SUCLG2: variants seen among roughly 807,000 people sequenced by gnomAD.
The protein encoded by SUCLG2 is succinate--CoA ligase [GDP-forming] subunit beta, mitochondrial.
A neutral mutation model predicts 47.9 loss-of-function variants in SUCLG2; 42 were observed. That is an observed-to-expected ratio of 0.88 (90% CI 0.69 to 1.14). The LOEUF (loss-of-function observed/expected upper bound fraction) is 1.14, where lower values mean the gene tolerates loss of function less well. SUCLG2 is among the 50% of genes most tolerant of loss of function. SUCLG2 has a pLI of 0.00. For missense variants in SUCLG2, 571 were observed against 525.9 expected, an observed-to-expected ratio of 1.09 and a Z score of -0.84; for synonymous variants, 195 against 197.3, an observed-to-expected ratio of 0.99 and a Z score of 0.10.
At chr3:67,391,394 T>C (rs1270019830) in intron 10 of SUCLG2, among the ~76,000 whole-genome samples, 1 of 152,138 alleles carries the variant, frequency 6.6e-6, no homozygotes, top group Admixed American at 6.5e-5. Flanking sequence ...TGCACTCCTA[T>C]TCGCTACATG....
chr3:67,542,630 T>A (rs554435325), intron 2 of SUCLG2, among the ~76,000 whole-genome samples: 3 of 152,248 alleles, frequency 2.0e-5, no homozygotes, highest in African/African-American at 7.2e-5. Context: ...GGAGGAATAT[T>A]TACCAAGCAA....
chr3:67,436,625 A>T (rs1210395022), intron 9 of SUCLG2, among the ~76,000 whole-genome samples: 1 of 152,148 alleles, frequency 6.6e-6, no homozygotes, highest in African/African-American at 2.4e-5. Flanking sequence ...TTGTCACTAT[A>T]TCATCATCAA....
At chr3:67,502,862 A>T (rs1210320341) in intron 7 of SUCLG2, among the ~76,000 whole-genome samples, 1 of 152,220 alleles carries the variant, frequency 6.6e-6, no homozygotes, top group African/African-American at 2.4e-5. Flanking sequence ...CATTTTAGGC[A>T]TCATAAATAG....
chr3:67,521,279 C>G (rs891974820), intron 4 of SUCLG2, among the ~76,000 whole-genome samples: 5 of 152,144 alleles, frequency 3.3e-5, no homozygotes, highest in African/African-American at 1.2e-4. Context: ...AGGGCAGATA[C>G]GAGCCTACCA....
At chr3:67,553,640 T>A (rs1014346352) in intron 2 of SUCLG2, among the ~76,000 whole-genome samples, 1 of 152,160 alleles carries the variant, frequency 6.6e-6, no homozygotes, top group Non-Finnish European at 1.5e-5. Flanking sequence ...AGTACTTCAA[T>A]TTCTGACCTG....
intron 2 of SUCLG2, among the ~76,000 whole-genome samples, chr3:67,543,443 G>C (rs930470608): frequency 2.6e-5 from 4 of 152,152 alleles, no homozygotes; most frequent in African/African-American, 9.7e-5. Flanking sequence ...GAGACAGGTG[G>C]GTTGCTTGAG....
intron 2 of SUCLG2, among the ~76,000 whole-genome samples, chr3:67,596,064 T>C (rs866502154): frequency 6.6e-6 from 1 of 152,372 alleles, no homozygotes; most frequent in Non-Finnish European, 1.5e-5. Flanking sequence ...ACAGGCTTGG[T>C]TGATGAACAT....
intron 9 of SUCLG2, among the ~76,000 whole-genome samples, chr3:67,463,301 CTTA>C (rs1704384527): frequency 6.6e-6 from 1 of 152,172 alleles, no homozygotes; most frequent in African/African-American, 2.4e-5. Context: ...ATGTTAATTC[CTTA>C]TTATTACCAT....
intron 4 of SUCLG2, among the ~76,000 whole-genome samples, chr3:67,521,653 A>G (rs1238828897): frequency 6.6e-6 from 1 of 151,188 alleles, no homozygotes. Flanking sequence ...CTGAGGCTGT[A>G]GTGCAGTGGC....
chr3:67,474,313 C>T (rs1022774661), intron 9 of SUCLG2, among the ~76,000 whole-genome samples: 1 of 152,002 alleles, frequency 6.6e-6, no homozygotes, highest in Admixed American at 6.6e-5. Context: ...CTAACATTTT[C>T]TAGAGCTTAA....
chr3:67,432,580 A>G (rs7616959), intron 9 of SUCLG2, among the ~76,000 whole-genome samples: 1 of 152,070 alleles, frequency 6.6e-6, no homozygotes, highest in Non-Finnish European at 1.5e-5. Flanking sequence ...TACACCTGGT[A>G]AAATCCTGCC....
intron 2 of SUCLG2, among the ~76,000 whole-genome samples, chr3:67,556,973 G>T (rs956847404): frequency 1.3e-5 from 2 of 152,210 alleles, no homozygotes; most frequent in Admixed American, 1.3e-4. Context: ...GTAGAAAACA[G>T]AAATGAGAGC....
chr3:67,563,333 C>T (rs1314185329), intron 2 of SUCLG2, among the ~76,000 whole-genome samples: 3 of 152,078 alleles, frequency 2.0e-5, no homozygotes, highest in Non-Finnish European at 4.4e-5. Flanking sequence ...GAACAAGGCC[C>T]GTCATGTGTA....
intron 9 of SUCLG2, among the ~76,000 whole-genome samples, chr3:67,405,053 T>C (rs1409071440): frequency 6.6e-6 from 1 of 151,878 alleles, no homozygotes; most frequent in Non-Finnish European, 1.5e-5. Flanking sequence ...CAAGTGCTTT[T>C]GGGAACAGAG....
rs1390903283 is a variant in SUCLG2, at chr3:67,484,635, GCAAA to G, written c.1062+11159_1062+11162del. On this transcript the variant is annotated intron_variant, in intron 9 of 10. Transcript: ENST00000307227. ...AAGAAATGTGGGGATGGGGAAGGGGGCAAACAAACTATAATATTTCTGAGCAATT... is the reference window on the plus strand; with the variant it reads ...AAGAAATGTGGGGATGGGGAAGGGGGCAAACTATAATATTTCTGAGCAATT... Among the ~76,000 whole-genome samples the G allele has an allele frequency of 2.0e-5, 3 of 152,122 alleles. No homozygotes were observed. The East Asian group carries it at 5.8e-4, about 29-fold the overall frequency.
At chr3:67,646,548 T>A (rs13081838) in intron 1 of SUCLG2, among the ~76,000 whole-genome samples, 45,322 of 151,550 alleles carry the variant, frequency 0.3, 7,277 homozygotes, top group Non-Finnish European at 0.36. Flanking sequence ...TGAGCCAAGA[T>A]CTCACCACTG....
intron 7 of SUCLG2, among the ~76,000 whole-genome samples, chr3:67,500,209 C>T (rs184772564): frequency 2.6e-4 from 39 of 152,266 alleles, no homozygotes; most frequent in African/African-American, 9.4e-4. Context: ...ATTATACTTG[C>T]TTCTTATGAA....
Position 67,464,979 on chromosome 3 carries a change from G to A in SUCLG2, c.1062+30819C>T, listed in dbSNP as rs375343315. On this transcript the variant is annotated intron_variant, in intron 9 of 10. Transcript: ENST00000307227. The stretch of plus-strand genomic sequence containing the variant: ...GAATCGGAAGAGGGGCTTGACAATC[G>A]ATTGCCTGAAATACATTACAGGGCA... Among the ~76,000 whole-genome samples, 30 of 152,210 alleles carry A rather than the reference G, an allele frequency of 2.0e-4. No individual in the cohort carries two copies. The East Asian group carries it at 3.7e-3, about 19-fold the overall frequency.
chr3:67,518,117 T>C, intron 6 of SUCLG2, 130 bp downstream of exon 6: 1 of 775,544 alleles, frequency 1.3e-6, no homozygotes, highest in Non-Finnish European at 2.1e-6. Context: ...CATAAACAGC[T>C]GGAGGAAAAA....
Sources: gnomAD v4.1 joint callset for allele counts (sites outside exome capture counted in the v4.1 genomes callset) on GRCh38, gnomAD v4.1.1 for gene constraint, MANE v1.5 for transcripts, NCBI Gene and HGNC (gene_info 2026-07-23, HGNC 2026-07-21) for gene names.